Variants in EDEM2 observed in about 807,000 individuals in gnomAD.
The protein encoded by EDEM2 is ER degradation enhancing alpha-mannosidase like protein 2.
A neutral mutation model predicts 64.8 loss-of-function variants in EDEM2; 39 were observed. That is an observed-to-expected ratio of 0.60 (90% CI 0.47 to 0.79). EDEM2 has a LOEUF of 0.79. EDEM2 is among the 30% of genes least tolerant of loss of function. The pLI, the probability that EDEM2 is intolerant of heterozygous loss-of-function variation, is 0.00. For missense variants in EDEM2, 609 were observed against 731.3 expected, an observed-to-expected ratio of 0.83 and a Z score of 1.93; for synonymous variants, 296 against 291.5, an observed-to-expected ratio of 1.02 and a Z score of -0.16.
intron 7 of EDEM2, among the ~76,000 whole-genome samples, chr20:35,128,527 C>G (rs1290243840): frequency 2.7e-5 from 4 of 147,904 alleles, no homozygotes; most frequent in African/African-American, 1.0e-4. Flanking sequence ...GATGGTGCCA[C>G]TGCACTCCAG....
At position 35,118,703 on chromosome 20, in the gene EDEM2, T is replaced by C. The variant is rs201698575; in HGVS notation, c.1131A>G (p.Ala377=). ...CCCCCGTGGCACGGTAGAGGTACAT[T>C]GCGCTTTCAATAAGTTCTGCAAAGT... ...YPLRPELIES[A]MYLYRATGDP... is the part of the protein sequence containing the mutation. The change falls in exon 10 of 11, where the codon GCA becomes GCG. Residue 377 remains alanine, a synonymous_variant. Coordinates refer to ENST00000374492, the MANE Select transcript of EDEM2 (RefSeq NM_018217.3). 4.3e-6 allele frequency: 7 copies of C among 1,612,594 alleles called. No individual in the cohort carries two copies. The highest frequency in any genetic ancestry group is 4.5e-5 in the East Asian group (2 of 44,886).
In EDEM2 at chr20:35,118,724, A is replaced by G. The variant is rs1160484050; in HGVS notation, c.1115-5T>C. The G allele has an allele frequency of 1.2e-6, 2 of 1,611,822 alleles. No homozygotes were observed. Among genetic ancestry groups the G allele is most frequent in the East Asian group, 2.2e-5 (1 of 44,894 alleles). On this transcript the variant is annotated splice_polypyrimidine_tract_variant and splice_region_variant and intron_variant, in intron 9 of 10. Transcript: ENST00000374492. ...ACATTGCGCTTTCAATAAGTTCTGC[A>G]AAGTCCAAAGCAGACCCTCCTCACT...
intron 4 of EDEM2, among the ~76,000 whole-genome samples, chr20:35,141,898 T>C (rs896360452): frequency 7.9e-5 from 12 of 152,204 alleles, no homozygotes; most frequent in African/African-American, 2.7e-4. Context: ...TTTAATATCA[T>C]TAAAATTAAA....
chr20:35,147,035 C>A, intron 1 of EDEM2, 100 bp from the exon 2 acceptor site: 2 of 1,546,504 alleles, frequency 1.3e-6, no homozygotes, highest in East Asian at 4.8e-5. Context: ...TAGCTGATTT[C>A]TCCCTGGGAC....
In EDEM2 at chr20:35,115,844, G is replaced by C. The variant is rs766700905; in HGVS notation, c.1326C>G (p.Asp442Glu). ...CATTGTTGTGGATGAAGTTGGTTGG[G>C]TCAAACAGGAGGTAGAGGTATTTCA... ...ETVKYLYLLF[D>E]PTNFIHNNGS... The change falls in exon 11 of 11, where the codon GAC becomes GAG. Residue 442 changes from aspartate to glutamate, a missense_variant. Asp to Glu is a conservative substitution (Grantham distance 45). Transcript: ENST00000374492. The C allele has an allele frequency of 1.9e-6, 3 of 1,613,748 alleles. No individual in the cohort carries two copies. The highest frequency in any genetic ancestry group is 2.5e-6 in the Non-Finnish European group (3 of 1,180,038).
In EDEM2 at chr20:35,118,732, A is replaced by G; in HGVS notation, c.1115-13T>C. The G allele has an allele frequency of 5.0e-6, 8 of 1,611,620 alleles. No homozygotes were observed. The highest frequency in any genetic ancestry group is 2.2e-5 in the East Asian group (1 of 44,862). On this transcript the variant is annotated splice_polypyrimidine_tract_variant and intron_variant, in intron 9 of 10. Coordinates refer to ENST00000374492, the MANE Select transcript of EDEM2 (RefSeq NM_018217.3). ...CTTTCAATAAGTTCTGCAAAGTCCA[A>G]AGCAGACCCTCCTCACTCAGTGGCT... is the stretch of plus-strand genomic sequence containing the variant.
At chr20:35,135,410 G>T (rs2085562525) in intron 5 of EDEM2, among the ~76,000 whole-genome samples, 1 of 152,138 alleles carries the variant, frequency 6.6e-6, no homozygotes, top group African/African-American at 2.4e-5. Flanking sequence ...CAGCACTCTG[G>T]GTGGCCAAGG....
chr20:35,147,270 C>T lies in EDEM2; in HGVS notation c.-12G>A, dbSNP rs1222246587. ...AGCCGGAAAGGCATAGAGCTCGTGT[C>T]CTCTCAGCGCCCCCGCAGCAGCAGC... On this transcript the variant is annotated 5_prime_UTR_variant, in exon 1 of 11. Transcript: ENST00000374492. 2 of 1,516,970 alleles carry T rather than the reference C, an allele frequency of 1.3e-6. No homozygotes were observed. The highest frequency in any genetic ancestry group is 8.9e-7 in the Non-Finnish European group (1 of 1,129,396). The allele number at this position is 1,516,970 out of a possible 1,614,324, so 94.0% of individuals were successfully genotyped here. A position where few individuals can be genotyped will look rare whatever the true frequency, so the allele number is the denominator to read the frequency against.
At chr20:35,125,112 C>T (rs6088724) in intron 8 of EDEM2, among the ~76,000 whole-genome samples, 92,670 of 151,942 alleles carry the variant, frequency 0.61, 28,472 homozygotes, top group Admixed American at 0.71. Flanking sequence ...TACTTTCCCA[C>T]GAAATTGCCT....
At chr20:35,143,811 GA>G in intron 3 of EDEM2, among the ~76,000 whole-genome samples, 1 of 152,076 alleles carries the variant, frequency 6.6e-6, no homozygotes, top group Non-Finnish European at 1.5e-5. Flanking sequence ...CGAACTCTGG[GA>G]CTTGAGCAAT....
At chr20:35,139,118 C>T (rs546754433) in intron 4 of EDEM2, among the ~76,000 whole-genome samples, 4 of 152,062 alleles carry the variant, frequency 2.6e-5, no homozygotes, top group East Asian at 2.0e-4. Flanking sequence ...CTTTGGGAGC[C>T]GAGGTGGAGA....
At chr20:35,118,915 T>G (rs1487665512) in intron 9 of EDEM2, among the ~76,000 whole-genome samples, 196 bp from the exon 10 acceptor site, 1 of 152,216 alleles carries the variant, frequency 6.6e-6, no homozygotes, top group African/African-American at 2.4e-5. Flanking sequence ...GAGACCAGCA[T>G]TAAGGCTGAC....
intron 9 of EDEM2, among the ~76,000 whole-genome samples, chr20:35,120,069 TA>T (rs1282969297): frequency 6.6e-6 from 1 of 152,180 alleles, no homozygotes; most frequent in Non-Finnish European, 1.5e-5. Context: ...TTTATTCCGT[TA>T]ATTACTTTTT....
At chr20:35,139,664 A>G (rs2146111341) in intron 4 of EDEM2, among the ~76,000 whole-genome samples, 1 of 151,666 alleles carries the variant, frequency 6.6e-6, no homozygotes, top group Admixed American at 6.6e-5. Flanking sequence ...AAAAAAAAAA[A>G]AAGAAAAGAA....
chr20:35,116,050 T>C, intron 10 of EDEM2, 117 bp from the exon 11 acceptor site: 1 of 1,125,874 alleles, frequency 8.9e-7, no homozygotes, highest in Non-Finnish European at 1.3e-6. Context: ...TGTGAGCAAA[T>C]CACTGAACTT....
chr20:35,141,674 C>G (rs11908232), intron 4 of EDEM2, among the ~76,000 whole-genome samples: 20,746 of 152,124 alleles, frequency 0.14, 1,725 homozygotes, highest in African/African-American at 0.24. Context: ...AAGGGCTGTG[C>G]TGGCTTCACA....
At chr20:35,126,398 A>G in intron 7 of EDEM2, 23 bp from the exon 8 acceptor site, 1 of 1,612,836 alleles carries the variant, frequency 6.2e-7, no homozygotes, top group Non-Finnish European at 8.5e-7. Flanking sequence ...AGATGGGATA[A>G]TGGACATATG....
rs773776079 is a variant in EDEM2, at chr20:35,134,865, G to A, written c.575C>T (p.Thr192Met). ...AACAATGAAGGTCCCAATCCCTGCC[G>A]TACAGGTGACAGGGGTCTCTCCTGG... ...VNPGETPVTC[T>M]AGIGTFIVEF... The change falls in exon 6 of 11, where the codon ACG becomes ATG. Residue 192 changes from threonine (T) to methionine (M), a missense_variant. By Grantham distance (81) the Thr-to-Met change is moderately conservative. Transcript: ENST00000374492. The A allele has an allele frequency of 6.8e-6, 11 of 1,614,038 alleles. No individual in the cohort carries two copies. The highest frequency in any genetic ancestry group is 1.3e-5 in the African/African-American group (1 of 74,898).
chr20:35,131,022 C>T (rs2085498830), intron 7 of EDEM2, among the ~76,000 whole-genome samples: 3 of 152,010 alleles, frequency 2.0e-5, no homozygotes, highest in South Asian at 2.1e-4. Context: ...CTGGGCAAGG[C>T]GACATTTAAG....
Sources: gnomAD v4.1 joint callset for allele counts (sites outside exome capture counted in the v4.1 genomes callset) on GRCh38, gnomAD v4.1.1 for gene constraint, MANE v1.5 for transcripts, NCBI Gene and HGNC (gene_info 2026-07-23, HGNC 2026-07-21) for gene names.